Variants in BACH2 observed in about 807,000 individuals in gnomAD.
The protein encoded by BACH2 is BACH transcriptional regulator 2, also known as transcription regulator protein BACH2.
In BACH2, 5 loss-of-function variants were observed where a neutral mutation model predicts 61.8. The ratio of observed to expected loss-of-function variants is 0.08; its 90% CI spans 0.04 to 0.17. The LOEUF (loss-of-function observed/expected upper bound fraction) is 0.17, where lower values mean the gene tolerates loss of function less well. Among genes scored for constraint, BACH2 ranks in the 10% least tolerant of loss-of-function variants. The pLI is 1.00. For synonymous variants in BACH2, 446 were observed against 440.1 expected, an observed-to-expected ratio of 1.01 and a Z score of -0.17; for missense variants, 824 against 1,091.1, an observed-to-expected ratio of 0.76 and a Z score of 3.45.
At chr6:90,054,034 C>T (rs550194351) in intron 5 of BACH2, among the ~76,000 whole-genome samples, 34 of 152,294 alleles carry the variant, frequency 2.2e-4, no homozygotes, top group African/African-American at 7.5e-4. Flanking sequence ...CAGCTCCCAG[C>T]GTGAGCGATG....
intron 3 of BACH2, among the ~76,000 whole-genome samples, chr6:90,235,952 C>T (rs559505506): frequency 6.6e-6 from 1 of 152,356 alleles, no homozygotes; most frequent in East Asian, 1.9e-4. Context: ...TCAATTCTTG[C>T]AAGTCACATC....
At chr6:90,248,179 A>G (rs988527642) in intron 3 of BACH2, among the ~76,000 whole-genome samples, 1 of 152,238 alleles carries the variant, frequency 6.6e-6, no homozygotes, top group African/African-American at 2.4e-5. Flanking sequence ...ATCATAGTGC[A>G]CTGTCAACAA....
At chr6:90,262,926 A>G (rs368039700) in intron 2 of BACH2, among the ~76,000 whole-genome samples, 67 of 152,196 alleles carry the variant, frequency 4.4e-4, no homozygotes, top group African/African-American at 3.9e-4. Flanking sequence ...CATGGCTTTG[A>G]TACACAAGAA....
At position 89,987,072 on chromosome 6, in the gene BACH2, T is replaced by C. The variant is rs894129401; in HGVS notation, c.243+21530A>G. ...ACTTGTCTCTCTGTCTTAGAAAAGA[T>C]GTGAGTGGCAACTGGTGAGCTACTC... is the stretch of plus-strand genomic sequence containing the variant. On this transcript the variant is annotated intron_variant, in intron 6 of 8. Transcript: ENST00000257749. 1.4e-4 allele frequency among the ~76,000 whole-genome samples: 22 copies of C among 152,184 alleles called. 1 individual carries two copies. The highest frequency in any genetic ancestry group is 5.3e-4 in the African/African-American group (22 of 41,438).
intron 4 of BACH2, among the ~76,000 whole-genome samples, chr6:90,092,549 C>G (rs1427642501): frequency 6.6e-6 from 1 of 151,922 alleles, no homozygotes; most frequent in African/African-American, 2.4e-5. Context: ...TACTACCTCT[C>G]ACAGGTTCTT....
chr6:89,940,085 A>C (rs1773330754), intron 7 of BACH2, among the ~76,000 whole-genome samples: 1 of 151,948 alleles, frequency 6.6e-6, no homozygotes, highest in African/African-American at 2.4e-5. Context: ...ATTTTGACTC[A>C]CGGCAAACTC....
At chr6:90,018,781 T>G (rs1439851861) in intron 5 of BACH2, among the ~76,000 whole-genome samples, 2 of 152,232 alleles carry the variant, frequency 1.3e-5, no homozygotes, top group Non-Finnish European at 1.5e-5. Context: ...AGGTTTGTTA[T>G]CTGGAATCAT....
At chr6:90,180,623 T>C (rs1307115282) in intron 4 of BACH2, among the ~76,000 whole-genome samples, 1 of 152,122 alleles carries the variant, frequency 6.6e-6, no homozygotes, top group Admixed American at 6.6e-5. Flanking sequence ...AGTGAGAACA[T>C]GGTATTTAGC....
chr6:90,128,453 C>T (rs557897622), intron 4 of BACH2, among the ~76,000 whole-genome samples: 5 of 152,234 alleles, frequency 3.3e-5, no homozygotes, highest in East Asian at 3.9e-4. Flanking sequence ...TGATGGCGGG[C>T]GCCTGTAGTC....
At chr6:90,291,613 CA>C (rs367983479) in intron 1 of BACH2, among the ~76,000 whole-genome samples, 36,282 of 115,718 alleles carry the variant, frequency 0.31, 5,701 homozygotes, top group Non-Finnish European at 0.42. Context: ...TCATCACAAA[CA>C]AAAAAAAAAA....
At chr6:90,076,463 T>C (rs758479302) in intron 5 of BACH2, among the ~76,000 whole-genome samples, 9 of 152,208 alleles carry the variant, frequency 5.9e-5, no homozygotes, top group Admixed American at 3.9e-4. Flanking sequence ...TTCTTTCACA[T>C]GTACACATTT....
rs372836170 is a variant in BACH2, at chr6:90,206,168, T to C, written c.-162+401A>G. ...TCCTATCAGGTAGGTATCATTATTA[T>C]CAGCATTTTACAGATGGGGAAATTG... On this transcript the variant is annotated intron_variant, in intron 4 of 8. Coordinates refer to ENST00000257749, the MANE Select transcript of BACH2 (RefSeq NM_021813.4). Among the ~76,000 whole-genome samples, 21 of 152,306 alleles carry C rather than the reference T, an allele frequency of 1.4e-4. 1 individual carries two copies. Among genetic ancestry groups the C allele is most frequent in the Admixed American group, 1.4e-3 (21 of 15,302 alleles).
At chr6:89,995,258 G>A (rs1357343107) in intron 6 of BACH2, among the ~76,000 whole-genome samples, 3 of 122,792 alleles carry the variant, frequency 2.4e-5, no homozygotes, top group Non-Finnish European at 5.0e-5. Context: ...ACCATCCCCC[G>A]ACCCCAGATT....
At chr6:90,289,210 T>C (rs2127891709) in intron 1 of BACH2, among the ~76,000 whole-genome samples, 1 of 152,284 alleles carries the variant, frequency 6.6e-6, no homozygotes, top group East Asian at 1.9e-4. Flanking sequence ...GAGTTCCAAC[T>C]TCAAATGAAG....
In BACH2 at chr6:89,957,832, G is replaced by A. The variant is rs138688125; in HGVS notation, c.244-5970C>T. On this transcript the variant is annotated intron_variant, in intron 6 of 8. Coordinates refer to ENST00000257749, the MANE Select transcript of BACH2 (RefSeq NM_021813.4). ...TGGGATTACAAGTGTTAGCCATTGT[G>A]CCTGGGCAATTTTATTATGAATTTT... Among the ~76,000 whole-genome samples, 131 of 152,280 alleles carry A rather than the reference G, an allele frequency of 8.6e-4. 2 individuals are homozygous for A. The East Asian group carries it at 0.023, about 26-fold the overall frequency.
At chr6:90,267,269 G>A (rs948004826) in intron 2 of BACH2, among the ~76,000 whole-genome samples, 10 of 152,132 alleles carry the variant, frequency 6.6e-5, no homozygotes, top group Non-Finnish European at 8.8e-5. Flanking sequence ...GTCAAGTTTT[G>A]TTGCCCCCAA....
Position 89,927,502 on chromosome 6 carries a change from C to T in BACH2, c.*4906G>A, listed in dbSNP as rs554517124. Reference sequence around the variant, plus strand: ...CTGAAATGAATGGTCTTGGTGCACACTTCTGCTTCTAAGAAGGGCCAGTGT... The same window carrying T: ...CTGAAATGAATGGTCTTGGTGCACATTTCTGCTTCTAAGAAGGGCCAGTGT... On this transcript the variant is annotated 3_prime_UTR_variant, in exon 9 of 9. Transcript: ENST00000257749. The T allele has an allele frequency of 3.3e-5, 5 of 152,774 alleles. No homozygotes were observed. The highest frequency in any genetic ancestry group is 1.2e-4 in the African/African-American group (5 of 41,448). The allele number at this position is 152,774 out of a possible 1,614,324, so 9.5% of individuals were successfully genotyped here. A position where few individuals can be genotyped will look rare whatever the true frequency, so the allele number is the denominator to read the frequency against.
At chr6:90,120,006 A>G (rs1175394266) in intron 4 of BACH2, among the ~76,000 whole-genome samples, 1 of 152,252 alleles carries the variant, frequency 6.6e-6, no homozygotes, top group African/African-American at 2.4e-5. Context: ...CACAGGATCA[A>G]GAGTCAGAAG....
chr6:90,062,744 T>C (rs1780746878), intron 5 of BACH2: 1 of 171,492 alleles, frequency 5.8e-6, no homozygotes, highest in South Asian at 1.9e-4. Flanking sequence ...CTTGCCTCTT[T>C]CCCTTCTCTC....
Sources: gnomAD v4.1 joint callset for allele counts (sites outside exome capture counted in the v4.1 genomes callset) on GRCh38, gnomAD v4.1.1 for gene constraint, MANE v1.5 for transcripts, NCBI Gene and HGNC (gene_info 2026-07-23, HGNC 2026-07-21) for gene names.